Variants in PCDHGA6 observed in about 807,000 individuals in gnomAD.
PCDHGA6 encodes protocadherin gamma subfamily A, 6, also known as protocadherin gamma-A6.
Under a neutral mutation model 60.6 loss-of-function variants are expected in PCDHGA6, and 41 were observed. The observed-to-expected ratio is 0.68, with a 90% CI of 0.53 to 0.88. The LOEUF (loss-of-function observed/expected upper bound fraction) is 0.88, where lower values mean the gene tolerates loss of function less well. Among genes scored for constraint, PCDHGA6 ranks in the 40% least tolerant of loss-of-function variants. PCDHGA6 has a pLI of 0.00. For missense variants in PCDHGA6, 1,312 were observed against 1,203.0 expected (o/e 1.09, Z -1.34); for synonymous variants, 594 against 524.4 (o/e 1.13, Z -1.81).
intron 1 of PCDHGA6, among the ~76,000 whole-genome samples, chr5:141,435,375 A>G (rs80179854): frequency 0.034 from 5,131 of 152,264 alleles, 102 homozygotes; most frequent in Middle Eastern, 0.088. Flanking sequence ...TTAAATATAC[A>G]ATATACCGTA....
rs1008664105 is a variant in PCDHGA6, at chr5:141,432,402, T to C, written c.2424+55895T>C. 6.2e-7 allele frequency: 1 copy of C among 1,614,194 alleles called. No homozygotes were observed. The highest frequency in any genetic ancestry group is 1.1e-5 in the South Asian group (1 of 91,082). On this transcript the variant is annotated intron_variant, in intron 1 of 3. Transcript: ENST00000517434. The surrounding 1 kb of genome is among the most constrained non-coding windows in gnomAD (Gnocchi z 6.0). ...CCGCCCCTCAGCAGCAACGTGTCGT[T>C]GAGCCTGTTCGTGCTGGACCAGAAC...
intron 1 of PCDHGA6, chr5:141,415,481 A>G: frequency 1.9e-6 from 3 of 1,614,114 alleles, no homozygotes; most frequent in Non-Finnish European, 1.7e-6. Flanking sequence ...GACTCGCGAA[A>G]GAGTCACCTG....
At chr5:141,408,882 A>G (rs1561715935) in intron 1 of PCDHGA6, 1 of 1,613,404 alleles carries the variant, frequency 6.2e-7, no homozygotes, top group Admixed American at 1.7e-5. Context: ...GCCACCGCTC[A>G]CATAGAAATT....
intron 3 of PCDHGA6, among the ~76,000 whole-genome samples, chr5:141,509,419 T>C (rs2154594533): frequency 6.6e-6 from 1 of 152,216 alleles, no homozygotes; most frequent in South Asian, 2.1e-4. Flanking sequence ...CGAGCCCCAA[T>C]GAGTCAAACT....
At chr5:141,408,473 G>A (rs2095117243) in intron 1 of PCDHGA6, 5 of 1,613,952 alleles carry the variant, frequency 3.1e-6, no homozygotes, top group African/African-American at 1.3e-5. Flanking sequence ...GAACCGAATA[G>A]ACCGTGAGCA....
chr5:141,445,828 G>A (rs1188169953), intron 1 of PCDHGA6, among the ~76,000 whole-genome samples: 2 of 152,188 alleles, frequency 1.3e-5, no homozygotes, highest in African/African-American at 2.4e-5. Context: ...AAGGCAGGGA[G>A]AGCCTTGTAA....
chr5:141,500,188 A>T (rs182086759), intron 2 of PCDHGA6, among the ~76,000 whole-genome samples: 173 of 98,190 alleles, frequency 1.8e-3, no homozygotes, highest in African/African-American at 4.0e-3. Flanking sequence ...TTTTATTTTT[A>T]TTTATTTATT....
At chr5:141,502,191 A>G (rs2099813218) in intron 2 of PCDHGA6, among the ~76,000 whole-genome samples, 1 of 152,170 alleles carries the variant, frequency 6.6e-6, no homozygotes, top group Non-Finnish European at 1.5e-5. Flanking sequence ...TAATACAATA[A>G]TATAGAATCC....
intron 1 of PCDHGA6, among the ~76,000 whole-genome samples, chr5:141,453,049 G>C (rs1287375098): frequency 1.3e-5 from 2 of 152,222 alleles, no homozygotes; most frequent in East Asian, 3.9e-4. Context: ...TCTATTATGT[G>C]CAGTTTTAGA....
At position 141,454,796 on chromosome 5, in the gene PCDHGA6, A is replaced by ATT. The variant is rs61612330; in HGVS notation, c.2425-39983_2425-39982dup. On this transcript the variant is annotated intron_variant, in intron 1 of 3. Coordinates refer to ENST00000517434, the MANE Select transcript of PCDHGA6 (RefSeq NM_018919.3). Reference sequence around the variant, plus strand: ...AAGGAAATAATCCTCCATGGTTCTAATTTTTTTTTTTTTTTTTTTTTTTTT... The same window carrying ATT: ...AAGGAAATAATCCTCCATGGTTCTAATTTTTTTTTTTTTTTTTTTTTTTTTTT... 6.7e-3 allele frequency among the ~76,000 whole-genome samples: 521 copies of ATT among 77,456 alleles called. 71 individuals are homozygous for ATT. The highest frequency in any genetic ancestry group is 0.017 in the Middle Eastern group (2 of 120). The allele number at this position is 77,456 out of a possible 152,430, so 50.8% of individuals were successfully genotyped here.
chr5:141,417,899 C>G lies in PCDHGA6; in HGVS notation c.2424+41392C>G, dbSNP rs781294504. On this transcript the variant is annotated intron_variant, in intron 1 of 3. Transcript: ENST00000517434. ...CGCGCAGAGGCGCCGGGCCGGCCCG[C>G]GGCAGGTACTATTTCCTTTGCTGCT... 2.0e-5 allele frequency: 31 copies of G among 1,581,354 alleles called. 2 individuals carry two copies. In the South Asian group the frequency reaches 3.4e-4, roughly 17 times the overall value.
In PCDHGA6 at chr5:141,414,101, A is replaced by G. The variant is rs759223225; in HGVS notation, c.2424+37594A>G. On this transcript the variant is annotated intron_variant, in intron 1 of 3. Transcript: ENST00000517434. ...TATACTGGAGAAATAAAAATATCAG[A>G]AAATCTAGATTATGAAGAAACCGGT... 1.9e-6 allele frequency: 3 copies of G among 1,593,930 alleles called. No individual in the cohort carries two copies. The African/African-American group carries it at 4.0e-5, about 21-fold the overall frequency.
intron 2 of PCDHGA6, among the ~76,000 whole-genome samples, chr5:141,499,326 C>G (rs1465474737): frequency 6.6e-6 from 1 of 152,156 alleles, no homozygotes; most frequent in Non-Finnish European, 1.5e-5. Flanking sequence ...TATCCCTGCT[C>G]TCTCTCAGTT....
chr5:141,381,798 CTCTTTCTTTCTT>C (rs372235829), intron 1 of PCDHGA6, among the ~76,000 whole-genome samples: 1 of 144,134 alleles, frequency 6.9e-6, no homozygotes, highest in Non-Finnish European at 1.5e-5. Flanking sequence ...AGGCAATTCC[CTCTTTCTTTCTT>C]TCTTTCTTTC....
In PCDHGA6 at chr5:141,476,445, T is replaced by G. The variant is rs2099391853; in HGVS notation, c.2425-18362T>G. 1 of 1,613,956 alleles carries G rather than the reference T, an allele frequency of 6.2e-7. No individual in the cohort carries two copies. The highest frequency in any genetic ancestry group is 1.7e-5 in the Admixed American group (1 of 60,008). The stretch of plus-strand genomic sequence containing the variant: ...CCCTCTTGCACTGTAACTCTGGAGT[T>G]GGTAGTGGAGAACCCGCTGGAGCTG... On this transcript the variant is annotated intron_variant, in intron 1 of 3. Coordinates refer to ENST00000517434, the MANE Select transcript of PCDHGA6 (RefSeq NM_018919.3). This position sits in a 1 kb window ranked among gnomAD's most constrained non-coding sequence, Gnocchi z 7.6.
In PCDHGA6 at chr5:141,375,962, C is replaced by A. The variant is rs763635174; in HGVS notation, c.1879C>A (p.Arg627Ser). 4 of 1,613,344 alleles carry A rather than the reference C, an allele frequency of 2.5e-6. No homozygotes were observed. The South Asian group carries it at 3.3e-5, about 13-fold the overall frequency. Residue 627 changes from arginine to serine, a missense_variant, in exon 1 of 4, where the codon CGC becomes AGC. Coordinates refer to ENST00000517434, the MANE Select transcript of PCDHGA6 (RefSeq NM_018919.3). Reference sequence around the variant, plus strand: ...AGTGGGCCTGCACACGGGCGAGGTGCGCACGGCGCGCGCCCTGCTGGACAG... The same window carrying A: ...AGTGGGCCTGCACACGGGCGAGGTGAGCACGGCGCGCGCCCTGCTGGACAG... ...FSVGLHTGEVRTARALLDRDA... is the reference protein window; with the variant it reads ...FSVGLHTGEVSTARALLDRDA...
At chr5:141,414,220 C>T in intron 1 of PCDHGA6, 1 of 1,613,094 alleles carries the variant, frequency 6.2e-7, no homozygotes, top group Non-Finnish European at 8.5e-7. Flanking sequence ...TGACAACAGT[C>T]CAGAGCTGAC....
At position 141,487,116 on chromosome 5, in the gene PCDHGA6, A is replaced by G. The variant is rs749256818; in HGVS notation, c.2425-7691A>G. On this transcript the variant is annotated intron_variant, in intron 1 of 3. Transcript: ENST00000517434. This position sits in a 1 kb window ranked among gnomAD's most constrained non-coding sequence, Gnocchi z 5.0. ...CCACAGAAGCTGGTCATTGTGGTAA[A>G]GGATAGTGGTAGTCCACCACTCTCT... The G allele has an allele frequency of 3.1e-6, 5 of 1,614,022 alleles. No individual in the cohort carries two copies.
In PCDHGA6 at chr5:141,374,666, G is replaced by T. The variant is rs1770705641; in HGVS notation, c.583G>T (p.Val195Leu). ...CCATGGGCCCAAGTACCCGGAGCTGGTGCTGGAGGGCACACTGGACCGGGA... is the reference window on the plus strand; with the variant it reads ...CCATGGGCCCAAGTACCCGGAGCTGTTGCTGGAGGGCACACTGGACCGGGA... ...EAHGPKYPEL[V>L]LEGTLDREGE... Residue 195 changes from valine to leucine, a missense_variant, in exon 1 of 4, where the codon GTG becomes TTG. Coordinates refer to ENST00000517434, the MANE Select transcript of PCDHGA6 (RefSeq NM_018919.3). The T allele has an allele frequency of 1.9e-6, 3 of 1,611,404 alleles. No individual in the cohort carries two copies. The highest frequency in any genetic ancestry group is 2.5e-6 in the Non-Finnish European group (3 of 1,178,642).
Sources: allele counts gnomAD v4.1 joint callset (sites outside exome capture counted in the v4.1 genomes callset), GRCh38; gene constraint gnomAD v4.1.1; non-coding constraint Gnocchi (gnomAD v3.1); transcripts MANE v1.5; gene names NCBI Gene and HGNC (gene_info 2026-07-23, HGNC 2026-07-21).